The following IMPA1 variants were observed in gnomAD, a reference collection of about 807,000 sequenced individuals.
IMPA1 encodes the protein inositol monophosphatase 1.
In IMPA1, 21 loss-of-function variants were observed where a neutral mutation model predicts 34.9. That is an observed-to-expected ratio of 0.60 (90% CI 0.43 to 0.87). IMPA1 has a LOEUF of 0.87. Ranked by LOEUF, IMPA1 falls within the 40% of genes least tolerant of loss-of-function variation. The pLI is 0.00. For missense variants in IMPA1, 299 were observed against 336.4 expected, an observed-to-expected ratio of 0.89 and a Z score of 0.87; for synonymous variants, 95 against 104.4, an observed-to-expected ratio of 0.91 and a Z score of 0.55.
At position 81,678,668 on chromosome 8, in the gene IMPA1, G is replaced by C. The variant is rs931085326; in HGVS notation, c.302+458C>G. The stretch of plus-strand genomic sequence containing the variant: ...GACTGCGCCATTGCATCTCAGCCTG[G>C]CCAACAAGAGGGAAACTCCATCTTA... On this transcript the variant is annotated intron_variant, in intron 4 of 8. Transcript: ENST00000256108. The C allele has an allele frequency of 3.2e-5, 6 of 184,706 alleles. No individual in the cohort carries two copies. The East Asian group carries it at 9.1e-4, about 28-fold the overall frequency. 11.4% of individuals were successfully genotyped at this position (184,706 alleles called of 1,614,324 possible). A position where few individuals can be genotyped will look rare whatever the true frequency, so the allele number is the denominator to read the frequency against.
chr8:81,678,125 T>TA (rs1002310048), intron 4 of IMPA1, among the ~76,000 whole-genome samples: 6 of 152,044 alleles, frequency 3.9e-5, no homozygotes, highest in South Asian at 2.1e-4. Context: ...GAAAAAGCCG[T>TA]AAAAAAATAC....
chr8:81,685,269 T>C (rs1423281233), intron 1 of IMPA1, among the ~76,000 whole-genome samples: 1 of 128,512 alleles, frequency 7.8e-6, no homozygotes, highest in Non-Finnish European at 1.6e-5. Flanking sequence ...GTATAGATAC[T>C]ATATATAGTA....
At chr8:81,685,766 C>T (rs1807499735) in intron 1 of IMPA1, 1 of 1,516,078 alleles carries the variant, frequency 6.6e-7, no homozygotes, top group Admixed American at 2.1e-5. Flanking sequence ...TACTCACTTT[C>T]ATTTTCCCAA....
At chr8:81,685,882 C>T in intron 1 of IMPA1, 6 of 1,548,634 alleles carry the variant, frequency 3.9e-6, no homozygotes, top group Non-Finnish European at 5.2e-6. Context: ...AGCACCGCGA[C>T]TGCGGGCAGC....
At chr8:81,685,183 TACTATACATA>T (rs1807467553) in intron 1 of IMPA1, among the ~76,000 whole-genome samples, 4 of 136,262 alleles carry the variant, frequency 2.9e-5, no homozygotes, top group South Asian at 2.3e-4. Flanking sequence ...ATACTATATA[TACTATACATA>T]AGTATATTTA....
Position 81,673,436 on chromosome 8 carries a change from G to A in IMPA1, c.457+405C>T, listed in dbSNP as rs572880528. ...CATCTTACACATATTGATGTTTCAC[G>A]ACTCCCTAAAATGTATAAAAGGAAG... On this transcript the variant is annotated intron_variant, in intron 6 of 8. Coordinates refer to ENST00000256108, the MANE Select transcript of IMPA1 (RefSeq NM_005536.4). 4.6e-5 allele frequency among the ~76,000 whole-genome samples: 7 copies of A among 152,076 alleles called. No individual in the cohort carries two copies. The South Asian group carries it at 6.2e-4, about 14-fold the overall frequency.
At chr8:81,671,105 T>A in intron 6 of IMPA1, 58 bp from the exon 7 acceptor site, 1 of 761,158 alleles carries the variant, frequency 1.3e-6, no homozygotes, top group Non-Finnish European at 2.0e-6. Flanking sequence ...CTGACACTTG[T>A]AATTCAGAAG....
At chr8:81,684,627 A>G (rs1215908825) in intron 1 of IMPA1, among the ~76,000 whole-genome samples, 2 of 140,376 alleles carry the variant, frequency 1.4e-5, no homozygotes, top group Non-Finnish European at 3.1e-5. Flanking sequence ...TATACTACAC[A>G]TAAGTATATA....
intron 7 of IMPA1, among the ~76,000 whole-genome samples, chr8:81,667,924 C>T (rs538620791): frequency 4.0e-5 from 6 of 151,650 alleles, no homozygotes; most frequent in East Asian, 3.9e-4. Context: ...CCCAGTTTCA[C>T]GCCATTCTCC....
chr8:81,659,781 C>T (rs1282695946), intron 8 of IMPA1, among the ~76,000 whole-genome samples: 2 of 152,152 alleles, frequency 1.3e-5, no homozygotes, highest in Non-Finnish European at 2.9e-5. Context: ...CATTTTCATA[C>T]CACTGTCCTT....
Position 81,670,952 on chromosome 8 carries a change from T to C in IMPA1, c.553A>G (p.Ile185Val), listed in dbSNP as rs537507388. 13 of 1,520,592 alleles carry C rather than the reference T, an allele frequency of 8.5e-6. No homozygotes were observed. The African/African-American group carries it at 1.1e-4, about 13-fold the overall frequency. 94.2% of individuals were successfully genotyped at this position (1,520,592 alleles called of 1,614,324 possible). ...VLSNMEKLFC[I>V]PVHGIRSVGT... ...TAAAGAGCTTACCCATGAACAGGAA[T>C]GCAAAAAAGCTTTTCCATATTAGAA... is the stretch of plus-strand genomic sequence containing the variant. The change falls in exon 7 of 9, where the codon ATT becomes GTT. Residue 185 changes from isoleucine to valine, a missense_variant. By Grantham distance (29) the Ile-to-Val change is conservative. Transcript: ENST00000256108.
chr8:81,684,612 A>ATCTTTAGATACTTATGTGTAG (rs1563592629), intron 1 of IMPA1, among the ~76,000 whole-genome samples: 49 of 53,192 alleles, frequency 9.2e-4, no homozygotes, highest in African/African-American at 1.5e-3. Flanking sequence ...TATATCTAGT[A>ATCTTTAGATACTTATGTGTAG]TATATATACT....
intron 1 of IMPA1, among the ~76,000 whole-genome samples, chr8:81,684,112 TATACACACACACACACATACACACATAC>T (rs1585906024): frequency 4.8e-5 from 7 of 145,702 alleles, no homozygotes; most frequent in African/African-American, 7.6e-5. Context: ...TATATATATA[TATACACACACACACACATACACACATAC>T]ACACACACAC....
At chr8:81,671,338 T>A (rs941605120) in intron 6 of IMPA1, among the ~76,000 whole-genome samples, 2 of 152,138 alleles carry the variant, frequency 1.3e-5, no homozygotes, top group Admixed American at 1.3e-4. Flanking sequence ...AAGGAGAGAC[T>A]AAATTCAATA....
At chr8:81,661,356 T>C (rs1430923121) in intron 7 of IMPA1, among the ~76,000 whole-genome samples, 3 of 151,108 alleles carry the variant, frequency 2.0e-5, no homozygotes, top group East Asian at 2.1e-4. Context: ...AATGGAAAAA[T>C]AGCATCTTTA....
At chr8:81,684,983 A>G (rs963932578) in intron 1 of IMPA1, among the ~76,000 whole-genome samples, 23 of 134,156 alleles carry the variant, frequency 1.7e-4, no homozygotes, top group Admixed American at 2.4e-4. Context: ...TATACTATAC[A>G]TAAGTATATT....
At chr8:81,684,918 CTATG>C (rs1487288047) in intron 1 of IMPA1, among the ~76,000 whole-genome samples, 1 of 127,516 alleles carries the variant, frequency 7.8e-6, no homozygotes, top group Non-Finnish European at 1.6e-5. Context: ...TATTTAGATA[CTATG>C]TATAGTATAT....
At chr8:81,681,152 T>G (rs937669047) in intron 2 of IMPA1, among the ~76,000 whole-genome samples, 1 of 152,110 alleles carries the variant, frequency 6.6e-6, no homozygotes, top group Non-Finnish European at 1.5e-5. Flanking sequence ...TCCCAGCACT[T>G]TGGGAGGCCA....
chr8:81,673,435 C>G (rs1300492551), intron 6 of IMPA1, among the ~76,000 whole-genome samples: 1 of 152,172 alleles, frequency 6.6e-6, no homozygotes, highest in Non-Finnish European at 1.5e-5. Flanking sequence ...TGATGTTTCA[C>G]GACTCCCTAA....
Sources: gnomAD v4.1 joint callset for allele counts (sites outside exome capture counted in the v4.1 genomes callset) on GRCh38, gnomAD v4.1.1 for gene constraint, MANE v1.5 for transcripts, NCBI Gene and HGNC (gene_info 2026-07-23, HGNC 2026-07-21) for gene names.